Variants in ZNF730 observed in about 807,000 individuals in gnomAD.
The protein encoded by ZNF730 is zinc finger protein 730, also known as putative zinc finger protein 730.
In ZNF730, 12 loss-of-function variants were observed where a neutral mutation model predicts 12.6. That is an observed-to-expected ratio of 0.95 (90% CI 0.61 to 1.54). The LOEUF is 1.54. Among genes scored for constraint, ZNF730 ranks in the 40% most tolerant of loss-of-function variants. The pLI, the probability that ZNF730 is intolerant of heterozygous loss-of-function variation, is 0.00. For synonymous variants in ZNF730, 194 were observed against 195.8 expected (o/e 0.99, Z 0.08); for missense variants, 643 against 583.5 (o/e 1.10, Z -1.05).
chr19:23,135,810 C>T (rs1040540687), intron 2 of ZNF730, 138 bp from the exon 3 acceptor site: 6 of 783,616 alleles, frequency 7.7e-6, no homozygotes, highest in African/African-American at 5.5e-5. Context: ...CGTGCCTGGT[C>T]TATTTAGAAA....
chr19:23,115,932 T>C (rs141651881), upstream of ZNF730, among the ~76,000 whole-genome samples: 438 of 152,362 alleles, frequency 2.9e-3, 3 homozygotes, highest in African/African-American at 0.01. Flanking sequence ...GATTACTAGT[T>C]ACCTTCTAAC....
chr19:23,146,038 A>G lies in ZNF730; in HGVS notation c.994A>G (p.Arg332Gly). The G allele has an allele frequency of 1.9e-6, 3 of 1,611,020 alleles. No homozygotes were observed. Among genetic ancestry groups the G allele is most frequent in the Non-Finnish European group, 2.5e-6 (3 of 1,179,140 alleles). The stretch of plus-strand genomic sequence containing the variant: ...GTCCTCAACCCTTACAAAACATAAA[A>G]GAATTCATAATGGAGAAAAACCCTA... ...KWSSTLTKHK[R>G]IHNGEKPYKC... Residue 332 changes from arginine (R) to glycine (G), a missense_variant, in exon 4 of 4, where the codon AGA (arginine) becomes GGA (glycine). By Grantham distance (125) the Arg-to-Gly change is moderately radical. Transcript: ENST00000597761.
At chr19:23,110,026 G>C (rs1970443250) in intron 1 of ZNF730, among the ~76,000 whole-genome samples, 3 of 150,778 alleles carry the variant, frequency 2.0e-5, no homozygotes, top group African/African-American at 7.3e-5. Flanking sequence ...GGGTGCAGTG[G>C]TGTGATCTTG....
At chr19:23,139,978 G>A (rs779923923) in intron 3 of ZNF730, among the ~76,000 whole-genome samples, 1 of 152,054 alleles carries the variant, frequency 6.6e-6, no homozygotes. Context: ...TACAGTTTTA[G>A]GCGGTTTGCA....
At chr19:23,100,700 G>A (rs1970326761) in intron 1 of ZNF730, among the ~76,000 whole-genome samples, 2 of 127,014 alleles carry the variant, frequency 1.6e-5, no homozygotes, top group African/African-American at 3.1e-5. Flanking sequence ...CTGTCACCCA[G>A]GCTGGAGTGC....
At chr19:23,089,999 G>C (rs897916401) in intron 1 of ZNF730, among the ~76,000 whole-genome samples, 1 of 152,148 alleles carries the variant, frequency 6.6e-6, no homozygotes, top group African/African-American at 2.4e-5. Flanking sequence ...TGTAATCCCA[G>C]CACTTTGAGA....
intron 1 of ZNF730, among the ~76,000 whole-genome samples, chr19:23,130,573 A>G (rs1319323362): frequency 6.6e-6 from 1 of 152,216 alleles, no homozygotes; most frequent in Admixed American, 6.5e-5. Flanking sequence ...CTGAAGGAAT[A>G]TTTATGAACA....
chr19:23,076,138 T>C (rs1249206914), intron 1 of ZNF730, among the ~76,000 whole-genome samples: 1 of 152,184 alleles, frequency 6.6e-6, no homozygotes, highest in Non-Finnish European at 1.5e-5. Flanking sequence ...CATTCTCAAA[T>C]GTGGGATATG....
chr19:23,113,926 T>G (rs542301923), upstream of ZNF730, among the ~76,000 whole-genome samples: 8 of 152,194 alleles, frequency 5.3e-5, no homozygotes. Context: ...CTTTCATGTT[T>G]AAGTTTGGTC....
At chr19:23,111,290 TTTTA>T (rs1233709759) in intron 1 of ZNF730, among the ~76,000 whole-genome samples, 1 of 152,184 alleles carries the variant, frequency 6.6e-6, no homozygotes, top group Non-Finnish European at 1.5e-5. Flanking sequence ...TATACAGAAA[TTTTA>T]TTTAATTGTC....
intron 1 of ZNF730, among the ~76,000 whole-genome samples, chr19:23,097,065 G>A (rs1441107408): frequency 6.6e-6 from 1 of 152,168 alleles, no homozygotes; most frequent in African/African-American, 2.4e-5. Context: ...CCAGCACATA[G>A]AGTGCCTCAT....
At chr19:23,127,422 TC>T in intron 1 of ZNF730, 1 of 1,034,096 alleles carries the variant, frequency 9.7e-7, no homozygotes, top group Non-Finnish European at 1.5e-6. Context: ...TCCTGTTTCA[TC>T]TTTGTGAATT....
chr19:23,109,588 G>A (rs761181031), intron 1 of ZNF730, among the ~76,000 whole-genome samples: 1 of 151,884 alleles, frequency 6.6e-6, no homozygotes. Context: ...TTTTAGTAGA[G>A]ATGGGGTTTC....
chr19:23,132,186 G>T (rs545797645), intron 1 of ZNF730, among the ~76,000 whole-genome samples: 215 of 151,994 alleles, frequency 1.4e-3, no homozygotes, highest in African/African-American at 5.0e-3. Flanking sequence ...TTCTACCTAT[G>T]AGTGTGGTGG....
rs145229467 is a variant in ZNF730 at position 23,082,596 on chromosome 19, C to T, written c.-94+7209C>T. 9.0e-3 allele frequency among the ~76,000 whole-genome samples: 1,378 copies of T among 152,346 alleles called. 14 individuals carry two copies. Among genetic ancestry groups the T allele is most frequent in the African/African-American group, 0.031 (1,273 of 41,580 alleles). ...TTCTGAGCTCAGGCAGTCCACCCGC[C>T]TCAGCCTCCCAAAGTGTTGGGATTA... is the stretch of plus-strand genomic sequence containing the variant. On this transcript the variant is annotated intron_variant, in intron 1 of 2. Coordinates refer to the ZNF730 transcript ENST00000593635.
At chr19:23,125,328 T>G (rs1970650127) in intron 1 of ZNF730, among the ~76,000 whole-genome samples, 1 of 151,952 alleles carries the variant, frequency 6.6e-6, no homozygotes, top group South Asian at 2.1e-4. Flanking sequence ...CAGGCAGAGG[T>G]TGGAGCAGTT....
intron 1 of ZNF730, among the ~76,000 whole-genome samples, chr19:23,104,280 C>T (rs962200791): frequency 3.1e-5 from 4 of 130,588 alleles, no homozygotes; most frequent in African/African-American, 5.8e-5. Context: ...TTAGCCTGGG[C>T]GACAGAGAGA....
Position 23,088,026 on chromosome 19 carries a change from T to C in ZNF730, c.-94+12639T>C, listed in dbSNP as rs149747381. Among the ~76,000 whole-genome samples, 874 of 152,180 alleles carry C rather than the reference T, an allele frequency of 5.7e-3. 7 individuals carry two copies. Among genetic ancestry groups the C allele is most frequent in the African/African-American group, 0.02 (824 of 41,522 alleles). On this transcript the variant is annotated intron_variant, in intron 1 of 2. Transcript: ENST00000593635. ...CTTGTCTAGTTTTAGTTTTTGTTTG[T>C]TTGGTTTTTTGAGAGGGAGTCTCAC... is the stretch of plus-strand genomic sequence containing the variant.
chr19:23,135,911 AAT>A, intron 2 of ZNF730, 35 bp from the exon 3 acceptor site: 1 of 1,562,076 alleles, frequency 6.4e-7, no homozygotes, highest in Non-Finnish European at 8.8e-7. Context: ...GTAATTGGAG[AAT>A]ATGAGCAAGA....
Sources: allele counts gnomAD v4.1 joint callset (sites outside exome capture counted in the v4.1 genomes callset), GRCh38; gene constraint gnomAD v4.1.1; transcripts MANE v1.5; gene names NCBI Gene and HGNC (gene_info 2026-07-23, HGNC 2026-07-21).